ZKSCAN5: variants seen among roughly 807,000 people sequenced by gnomAD.
The protein encoded by ZKSCAN5 is zinc finger protein with KRAB and SCAN domains 5.
A neutral mutation model predicts 60.0 loss-of-function variants in ZKSCAN5; 28 were observed. The ratio of observed to expected loss-of-function variants is 0.47; its 90% confidence interval spans 0.35 to 0.64. ZKSCAN5 has a LOEUF of 0.64. Among genes scored for constraint, ZKSCAN5 ranks in the 30% least tolerant of loss-of-function variants. The pLI is 0.01. For missense variants in ZKSCAN5, 881 were observed against 1,034.6 expected (o/e 0.85, Z 2.04); for synonymous variants, 361 against 371.2 (o/e 0.97, Z 0.31).
chr7:99,513,763 C>A, intron 3 of ZKSCAN5: 1 of 350,812 alleles, frequency 2.9e-6, no homozygotes, highest in South Asian at 2.1e-5. Flanking sequence ...CTCAGTGGCT[C>A]ACACTTGTAA....
At chr7:99,506,595 G>C in intron 2 of ZKSCAN5, 137 bp downstream of exon 2, 1 of 1,012,990 alleles carries the variant, frequency 9.9e-7, no homozygotes, top group Non-Finnish European at 1.4e-6. Context: ...GTGACTTCCT[G>C]CCACTCCAGC....
chr7:99,526,507 G>A (rs1801800137), intron 6 of ZKSCAN5, 89 bp downstream of exon 6: 1 of 1,507,714 alleles, frequency 6.6e-7, no homozygotes, highest in Non-Finnish European at 8.8e-7. Context: ...ACAGATGGGT[G>A]GTGATACTGG....
chr7:99,507,967 G>A (rs1032334924), intron 2 of ZKSCAN5, among the ~76,000 whole-genome samples: 2 of 151,906 alleles, frequency 1.3e-5, no homozygotes, highest in African/African-American at 4.8e-5. Flanking sequence ...AAAATTAACT[G>A]TAGAAGGAAT....
At chr7:99,529,790 C>A (rs1367473300) in intron 6 of ZKSCAN5, among the ~76,000 whole-genome samples, 1 of 152,084 alleles carries the variant, frequency 6.6e-6, no homozygotes, top group Non-Finnish European at 1.5e-5. Context: ...GGCTGGAGTG[C>A]AGTGGCGCAA....
intron 3 of ZKSCAN5, chr7:99,513,788 G>T (rs945172947): frequency 3.3e-6 from 1 of 303,702 alleles, no homozygotes; most frequent in African/African-American, 2.3e-5. Flanking sequence ...TGCACTTTGG[G>T]AGGCAAAGGT....
At chr7:99,516,991 T>G (rs1801293864) in intron 3 of ZKSCAN5, among the ~76,000 whole-genome samples, 1 of 152,208 alleles carries the variant, frequency 6.6e-6, no homozygotes, top group African/African-American at 2.4e-5. Flanking sequence ...AGAATTGTCT[T>G]GTGCCACACA....
intron 3 of ZKSCAN5, among the ~76,000 whole-genome samples, chr7:99,514,460 C>T (rs1406337290): frequency 1.3e-5 from 2 of 152,180 alleles, no homozygotes; most frequent in East Asian, 3.8e-4. Context: ...TCAATGAAAG[C>T]TAAACAAAGG....
At chr7:99,524,227 C>G (rs1348497243) in intron 5 of ZKSCAN5, among the ~76,000 whole-genome samples, 1 of 151,930 alleles carries the variant, frequency 6.6e-6, no homozygotes, top group Non-Finnish European at 1.5e-5. Context: ...TGTGCCACGA[C>G]GCCTGGCTAA....
At chr7:99,528,862 G>A (rs1801922657) in intron 6 of ZKSCAN5, among the ~76,000 whole-genome samples, 1 of 152,214 alleles carries the variant, frequency 6.6e-6, no homozygotes, top group Non-Finnish European at 1.5e-5. Context: ...TCATGCAGCC[G>A]ATGGTCTGGT....
intron 5 of ZKSCAN5, among the ~76,000 whole-genome samples, chr7:99,524,223 A>C (rs905483024): frequency 6.6e-6 from 1 of 152,064 alleles, no homozygotes; most frequent in Admixed American, 6.6e-5. Flanking sequence ...GGTGTGTGCC[A>C]CGACGCCTGG....
At chr7:99,507,551 A>ATGTATATATATGTG (rs1562901687) in intron 2 of ZKSCAN5, among the ~76,000 whole-genome samples, 1 of 147,062 alleles carries the variant, frequency 6.8e-6, no homozygotes, top group African/African-American at 2.5e-5. Context: ...ATGTATATAT[A>ATGTATATATATGTG]TGTATATATA....
chr7:99,518,907 C>T (rs1801389726), intron 3 of ZKSCAN5, among the ~76,000 whole-genome samples: 1 of 151,600 alleles, frequency 6.6e-6, no homozygotes, highest in Admixed American at 6.6e-5. Context: ...AACTCCTGAC[C>T]TTGTGATCTG....
intron 1 of ZKSCAN5, chr7:99,505,288 A>G (rs11973801): frequency 0.12 from 18,232 of 151,298 alleles, 1,399 homozygotes; most frequent in African/African-American, 0.21. Context: ...AGTGTTGGGG[A>G]GTGTCGGCTT....
chr7:99,505,910 CTT>C, intron 1 of ZKSCAN5, 93 bp from the exon 2 acceptor site: 3 of 1,088,310 alleles, frequency 2.8e-6, no homozygotes, highest in Admixed American at 5.2e-5. Context: ...TGCCATCTGT[CTT>C]TGCTAATAAT....
chr7:99,533,369 G>A lies in ZKSCAN5; in HGVS notation c.*1120G>A, dbSNP rs1233157784. On this transcript the variant is annotated 3_prime_UTR_variant, in exon 7 of 7. Transcript: ENST00000326775. Reference sequence around the variant, plus strand: ...GAGTTCTGAGCCTGTTTGCTAGGGAGAGTGAGTGAGTGCTCTTGGGCACTG... The same window carrying A: ...GAGTTCTGAGCCTGTTTGCTAGGGAAAGTGAGTGAGTGCTCTTGGGCACTG... The A allele has an allele frequency of 1.7e-6, 1 of 591,508 alleles. No homozygotes were observed. Among genetic ancestry groups the A allele is most frequent in the Non-Finnish European group, 3.1e-6 (1 of 321,846 alleles). 36.6% of individuals were successfully genotyped at this position (591,508 alleles called of 1,614,324 possible).
intron 5 of ZKSCAN5, 46 bp downstream of exon 5, chr7:99,520,350 TA>T: frequency 6.4e-7 from 1 of 1,557,786 alleles, no homozygotes; most frequent in Non-Finnish European, 8.6e-7. Context: ...TTTATTTTGT[TA>T]TCTTGTAAAG....
intron 6 of ZKSCAN5, among the ~76,000 whole-genome samples, chr7:99,528,657 G>C (rs1383931101): frequency 6.6e-6 from 1 of 152,050 alleles, no homozygotes; most frequent in Non-Finnish European, 1.5e-5. Flanking sequence ...GAACTTCTAG[G>C]CTTAAGCGAT....
At chr7:99,522,960 T>A (rs1388507128) in intron 5 of ZKSCAN5, among the ~76,000 whole-genome samples, 1 of 146,572 alleles carries the variant, frequency 6.8e-6, no homozygotes, top group African/African-American at 2.5e-5. Context: ...AGGCCAGGAG[T>A]TTGAGACCAG....
chr7:99,511,457 T>G (rs1352618467), intron 2 of ZKSCAN5, among the ~76,000 whole-genome samples: 1 of 152,164 alleles, frequency 6.6e-6, no homozygotes, highest in African/African-American at 2.4e-5. Context: ...CTTTCTTTCT[T>G]TTTTGAGACA....
Sources: gnomAD v4.1 joint callset for allele counts (sites outside exome capture counted in the v4.1 genomes callset) on GRCh38, gnomAD v4.1.1 for gene constraint, MANE v1.5 for transcripts, NCBI Gene and HGNC (gene_info 2026-07-23, HGNC 2026-07-21) for gene names.